The following APOB variants were observed in gnomAD, a reference collection of about 807,000 sequenced individuals.
APOB encodes the protein apolipoprotein B-100.
In APOB, 153 loss-of-function variants were observed where a neutral mutation model predicts 314.1. The ratio of observed to expected loss-of-function variants is 0.49; its 90% CI spans 0.43 to 0.56. The LOEUF (loss-of-function observed/expected upper bound fraction) is 0.56, where lower values mean the gene tolerates loss of function less well. APOB is among the 20% of genes least tolerant of loss of function. The pLI, the probability that APOB is intolerant of heterozygous loss-of-function variation, is 0.00. For synonymous variants in APOB, 2,087 were observed against 2,036.4 expected (o/e 1.02, Z -0.67); for missense variants, 5,430 against 5,350.7 (o/e 1.01, Z -0.46).
chr2:21,008,658 T>C lies in APOB; in HGVS notation c.8210A>G (p.His2737Arg). 1 of 1,614,076 alleles carries C rather than the reference T, an allele frequency of 6.2e-7. No homozygotes were observed. The highest frequency in any genetic ancestry group is 8.5e-7 in the Non-Finnish European group (1 of 1,179,968). ...GTGGGGAAGCTGGAATTCTGGTATG[T>C]GAAGGTCAGGAACTTGAAAATCATT... ...NLNDFQVPDL[H>R]IPEFQLPHIS... The change falls in exon 26 of 29, where the codon CAC (histidine) becomes CGC (arginine). Residue 2737 changes from histidine to arginine, a missense_variant. Physicochemically the swap from His to Arg is conservative, Grantham distance 29. Around this residue, in one of 3 missense-constraint regions of APOB, gnomAD observed 3,281 missense variants for 3,171.0 expected, o/e 1.03. Coordinates refer to ENST00000233242, the MANE Select transcript of APOB (RefSeq NM_000384.3).
In APOB at chr2:21,032,449, G is replaced by A. The variant is rs777520387; in HGVS notation, c.1257C>T (p.Pro419=). ...CTCGCAGCTGCTGTGCTGAGGGCTCGGGGATCAGGGCCACCAGGTAGGTGA... is the reference window on the plus strand; with the variant it reads ...CTCGCAGCTGCTGTGCTGAGGGCTCAGGGATCAGGGCCACCAGGTAGGTGA... ...DVVTYLVALI[P]EPSAQQLREI... The change falls in exon 10 of 29, where the codon CCC becomes CCT. Residue 419 remains proline, a synonymous_variant. Coordinates refer to ENST00000233242, the MANE Select transcript of APOB (RefSeq NM_000384.3). 1.7e-5 allele frequency: 27 copies of A among 1,614,006 alleles called. No homozygotes were observed. The highest frequency in any genetic ancestry group is 4.5e-5 in the East Asian group (2 of 44,888).
At position 21,005,273 on chromosome 2, in the gene APOB, G is replaced by C; in HGVS notation, c.11595C>G (p.Pro3865=). The C allele has an allele frequency of 6.2e-7, 1 of 1,614,078 alleles. No individual in the cohort carries two copies. Among genetic ancestry groups the C allele is most frequent in the Non-Finnish European group, 8.5e-7 (1 of 1,179,966 alleles). The stretch of plus-strand genomic sequence containing the variant: ...CAGCAGGTACAGAGAACTTAATGGA[G>C]GGAATCTCAATGGTCTGCTCAGGCA... ...IIVPEQTIEI[P]SIKFSVPAGI... is the part of the protein sequence containing the mutation. Residue 3865 remains proline, a synonymous_variant, in exon 26 of 29, where the codon CCC becomes CCG. Coordinates refer to ENST00000233242, the MANE Select transcript of APOB (RefSeq NM_000384.3).
rs766573431 is a variant in APOB at position 21,027,985 on chromosome 2, T to C, written c.1910A>G (p.Tyr637Cys). ...AAGAGAAACAGATTTGTAGAGTTGATAGTTCCGAGAGAATTTTCTGAAGTC... is the reference window on the plus strand; with the variant it reads ...AAGAGAAACAGATTTGTAGAGTTGACAGTTCCGAGAGAATTTTCTGAAGTC... ...VMDFRKFSRN[Y>C]QLYKSVSLPS... The change falls in exon 14 of 29, where the codon TAT (tyrosine) becomes TGT (cysteine). Residue 637 changes from tyrosine to cysteine, a missense_variant. Physicochemically the swap from Tyr to Cys is radical, Grantham distance 194. This residue lies in a region of APOB where 2,085 missense variants were observed against 2,079.7 expected (regional missense o/e 1.00). Transcript: ENST00000233242. The C allele has an allele frequency of 2.4e-5, 38 of 1,614,030 alleles. No homozygotes were observed. Among genetic ancestry groups the C allele is most frequent in the African/African-American group, 6.7e-5 (5 of 74,950 alleles).
chr2:21,001,818 A>G lies in APOB; in HGVS notation c.13604T>C (p.Ile4535Thr), dbSNP rs938535592. ...IQNYHTFLIY[I>T]TELLKKLQST... ...TTGCAGCTTTTTCAGTAACTCCGTG[A>G]TGTATATCAGAAATGTGTGGTAGTT... is the stretch of plus-strand genomic sequence containing the variant. The change falls in exon 29 of 29, where the codon ATC becomes ACC. Residue 4535 changes from isoleucine to threonine, a missense_variant. Ile to Thr is a moderately conservative substitution (Grantham distance 89). Coordinates refer to ENST00000233242, the MANE Select transcript of APOB (RefSeq NM_000384.3). 6.2e-7 allele frequency: 1 copy of G among 1,613,888 alleles called. No homozygotes were observed. The highest frequency in any genetic ancestry group is 1.3e-5 in the African/African-American group (1 of 74,880).
chr2:21,001,801 T>G lies in APOB; in HGVS notation c.13621A>C (p.Lys4541Gln), dbSNP rs779964877. 4 of 1,614,072 alleles carry G rather than the reference T, an allele frequency of 2.5e-6. No individual in the cohort carries two copies. The highest frequency in any genetic ancestry group is 3.3e-5 in the Admixed American group (2 of 60,016). Residue 4541 changes from lysine to glutamine, a missense_variant, in exon 29 of 29, where the codon AAG (lysine) becomes CAG (glutamine). This residue lies in a region of APOB where 3,281 missense variants were observed against 3,171.0 expected (regional missense o/e 1.03). Coordinates refer to ENST00000233242, the MANE Select transcript of APOB (RefSeq NM_000384.3). ...TTCATGACTGTGGTTGATTGCAGCT[T>G]TTTCAGTAACTCCGTGATGTATATC... ...FLIYITELLKKLQSTTVMNPY... is the reference protein window; with the variant it reads ...FLIYITELLKQLQSTTVMNPY...
rs1663827131 is a variant in APOB at position 21,029,649 on chromosome 2, G to A, written c.1607C>T (p.Pro536Leu). The change falls in exon 12 of 29, where the codon CCT (proline) becomes CTT (leucine). Residue 536 changes from proline to leucine, a missense_variant. Around this residue, in one of 3 missense-constraint regions of APOB, gnomAD observed 2,085 missense variants for 2,079.7 expected, o/e 1.00. Transcript: ENST00000233242. ...TCTTGTGGACTTTACCTTGTCTTTA[G>A]GCTCCATTTTCCGCAGAGCCTGGAT... ...AAIQALRKME[P>L]KDKDQEVLLQ... is the part of the protein sequence containing the mutation. 1 of 1,614,132 alleles carries A rather than the reference G, an allele frequency of 6.2e-7. No homozygotes were observed. Among genetic ancestry groups the A allele is most frequent in the Middle Eastern group, 1.6e-4 (1 of 6,062 alleles).
chr2:21,021,666 C>T (rs943554202), intron 18 of APOB, among the ~76,000 whole-genome samples: 8 of 152,208 alleles, frequency 5.3e-5, no homozygotes, highest in Admixed American at 4.6e-4. Context: ...CCATTACATG[C>T]TTTTCCTTTT....
Position 21,041,096 on chromosome 2 carries a change from G to T in APOB, c.238-13C>A. On this transcript the variant is annotated splice_polypyrimidine_tract_variant and intron_variant, in intron 3 of 28. Coordinates refer to ENST00000233242, the MANE Select transcript of APOB (RefSeq NM_000384.3). ...CCTCCAGCTCAACCTGAGAATTCAG[G>T]GTAGCAGAGCATTGAGGTTGTCTAT... 6.2e-7 allele frequency: 1 copy of T among 1,609,738 alleles called. No individual in the cohort carries two copies. Among genetic ancestry groups the T allele is most frequent in the South Asian group, 1.1e-5 (1 of 90,398 alleles).
Position 21,006,127 on chromosome 2 carries a change from C to T in APOB, c.10741G>A (p.Gly3581Arg), listed in dbSNP as rs1053572786. The part of the protein sequence containing the change: ...LQLEGLFFTN[G>R]EHTSKATLEL... ...AGGGTGGCTTTGCTTGTATGTTCTCCGTTGGTGAAAAAGAGGCCCTCTAGC... is the reference window on the plus strand; with the variant it reads ...AGGGTGGCTTTGCTTGTATGTTCTCTGTTGGTGAAAAAGAGGCCCTCTAGC... Residue 3581 changes from glycine to arginine, a missense_variant, in exon 26 of 29, where the codon GGA (glycine) becomes AGA (arginine). Coordinates refer to ENST00000233242, the MANE Select transcript of APOB (RefSeq NM_000384.3). 16 of 1,613,764 alleles carry T rather than the reference C, an allele frequency of 9.9e-6. No individual in the cohort carries two copies. The highest frequency in any genetic ancestry group is 1.3e-5 in the African/African-American group (1 of 74,856).
In APOB at chr2:21,011,704, C is replaced by T. The variant is rs757793421; in HGVS notation, c.5164G>A (p.Asp1722Asn). Residue 1722 changes from aspartate to asparagine, a missense_variant, in exon 26 of 29, where the codon GAC (aspartate) becomes AAC (asparagine). This residue lies in a region of APOB where 2,085 missense variants were observed against 2,079.7 expected (regional missense o/e 1.00). Coordinates refer to ENST00000233242, the MANE Select transcript of APOB (RefSeq NM_000384.3). ...TTGAAGTTGAAAATGTTTTTGCTGT[C>T]GACACCCAGAATCATGGCCTGATAA... The part of the protein sequence containing the change: ...SAYQAMILGV[D>N]SKNIFNFKVS... 105 of 1,613,984 alleles carry T rather than the reference C, an allele frequency of 6.5e-5. No homozygotes were observed. The highest frequency in any genetic ancestry group is 8.1e-5 in the Non-Finnish European group (96 of 1,180,032).
chr2:21,034,831 G>A lies in APOB; in HGVS notation c.889C>T (p.Arg297Cys), dbSNP rs766376456. The A allele has an allele frequency of 4.8e-5, 76 of 1,592,826 alleles. 1 individual carries two copies. The highest frequency in any genetic ancestry group is 4.4e-4 in the South Asian group (40 of 90,636). Residue 297 changes from arginine (R) to cysteine (C), a missense_variant, in exon 8 of 29, where the codon CGC (arginine) becomes TGC (cysteine). Arg to Cys is a radical substitution (Grantham distance 180). Around this residue, in one of 3 missense-constraint regions of APOB, gnomAD observed 2,085 missense variants for 2,079.7 expected, o/e 1.00. Transcript: ENST00000233242. ...AAACTCTTACCTTCACCAAAGAAGC[G>A]GCTGTTGATCTTTGGTGTGTCTTCA... is the stretch of plus-strand genomic sequence containing the variant. ...KLEDTPKINS[R>C]FFGEGTKKMG...
Position 21,007,651 on chromosome 2 carries a change from T to C in APOB, c.9217A>G (p.Asn3073Asp), listed in dbSNP as rs138529007. The C allele has an allele frequency of 5.0e-6, 8 of 1,614,128 alleles. No individual in the cohort carries two copies. Among genetic ancestry groups the C allele is most frequent in the Middle Eastern group, 1.7e-4 (1 of 6,060 alleles). ...RLTGKIDFLN[N>D]YALFLSPSAQ... ...CTGGGACTCAGAAACAGTGCATAGT[T>C]ATTCAGGAAGTCTATCTTCCCTGTT... is the stretch of plus-strand genomic sequence containing the variant. The change falls in exon 26 of 29, where the codon AAC (asparagine) becomes GAC (aspartate). Residue 3073 changes from asparagine (N) to aspartate (D), a missense_variant. By Grantham distance (23) the Asn-to-Asp change is conservative. This residue lies in a region of APOB where 3,281 missense variants were observed against 3,171.0 expected (regional missense o/e 1.03). Transcript: ENST00000233242.
rs373269073 is a variant in APOB at position 21,032,367 on chromosome 2, G to A, written c.1339C>T (p.His447Tyr). The change falls in exon 10 of 29, where the codon CAC becomes TAC. Residue 447 changes from histidine to tyrosine, a missense_variant. Coordinates refer to ENST00000233242, the MANE Select transcript of APOB (RefSeq NM_000384.3). ...RSRATLYALSHAVNNYHKTNP... is the reference protein window; with the variant it reads ...RSRATLYALSYAVNNYHKTNP... ...GTGGAAACTCACTTGTTGACCGCGT[G>A]GCTCAGCGCATACAAGGTGGCTCGG... The A allele has an allele frequency of 1.9e-6, 3 of 1,613,256 alleles. No individual in the cohort carries two copies. The highest frequency in any genetic ancestry group is 2.2e-5 in the South Asian group (2 of 91,078).
intron 1 of APOB, 133 bp downstream of exon 1, chr2:21,043,731 G>A (rs1664194687): frequency 1.3e-6 from 2 of 1,510,898 alleles, no homozygotes; most frequent in South Asian, 2.5e-5. Flanking sequence ...GCCGCCAGCT[G>A]GTCCAATCCC....
At chr2:21,026,716 A>G (rs1663739304) in intron 15 of APOB, 72 bp downstream of exon 15, 3 of 1,270,446 alleles carry the variant, frequency 2.4e-6, no homozygotes, top group Non-Finnish European at 3.5e-6. Context: ...GAGGACTTCC[A>G]TGCTTAGAAA....
intron 19 of APOB, 103 bp from the exon 20 acceptor site, chr2:21,019,216 C>G (rs1254280353): frequency 7.1e-7 from 1 of 1,414,584 alleles, no homozygotes; most frequent in Non-Finnish European, 9.9e-7. Context: ...AAATATGGTC[C>G]TTATTTTAAC....
intron 16 of APOB, chr2:21,024,711 T>C: frequency 1.4e-6 from 1 of 694,712 alleles, no homozygotes; most frequent in Non-Finnish European, 2.6e-6. Flanking sequence ...TTAATGCTCT[T>C]AAAAATACAG....
At position 21,004,348 on chromosome 2, in the gene APOB, G is replaced by T. The variant is rs1446262066; in HGVS notation, c.12008C>A (p.Ser4003Tyr). The T allele has an allele frequency of 1.9e-6, 3 of 1,613,958 alleles. No homozygotes were observed. The highest frequency in any genetic ancestry group is 1.3e-5 in the African/African-American group (1 of 75,026). ...DKKGISTSAA[S>Y]PAVGTVGMDM... ...CATGCCCACGGTGCCTACGGCTGGG[G>T]AGGCTGCTGAGGTGGAGATGCCTTT... The change falls in exon 28 of 29, where the codon TCC (serine) becomes TAC (tyrosine). Residue 4003 changes from serine (S) to tyrosine (Y), a missense_variant. Physicochemically the swap from Ser to Tyr is moderately radical, Grantham distance 144 (BLOSUM62 -2). Around this residue, in one of 3 missense-constraint regions of APOB, gnomAD observed 3,281 missense variants for 3,171.0 expected, o/e 1.03. Transcript: ENST00000233242.
chr2:21,028,247 C>T, intron 13 of APOB, 80 bp downstream of exon 13: 1 of 1,303,066 alleles, frequency 7.7e-7, no homozygotes, highest in South Asian at 1.2e-5. Context: ...CAAGGGCAGA[C>T]AGTGGCTATG....
Sources: gnomAD v4.1 joint callset for allele counts (sites outside exome capture counted in the v4.1 genomes callset) on GRCh38, gnomAD v4.1.1 for gene constraint, gnomAD v4.1.1 regional missense constraint, MANE v1.5 for transcripts, NCBI Gene and HGNC (gene_info 2026-07-23, HGNC 2026-07-21) for gene names.